The following GPC6 variants were observed in gnomAD, a reference collection of about 807,000 sequenced individuals.
GPC6 encodes the protein glypican 6.
Under a neutral mutation model 55.2 loss-of-function variants are expected in GPC6, and 14 were observed. That is an observed-to-expected ratio of 0.25 (90% confidence interval 0.17 to 0.40). The LOEUF (loss-of-function observed/expected upper bound fraction) is 0.40, where lower values mean the gene tolerates loss of function less well. Ranked by LOEUF, GPC6 falls within the 10% of genes least tolerant of loss-of-function variation. GPC6 has a pLI of 1.00. For synonymous variants in GPC6, 278 were observed against 259.6 expected (o/e 1.07, Z -0.68); for missense variants, 641 against 708.5 (o/e 0.90, Z 1.08).
intron 2 of GPC6, among the ~76,000 whole-genome samples, chr13:93,738,001 A>G (rs577911604): frequency 6.6e-6 from 1 of 152,286 alleles, no homozygotes; most frequent in African/African-American, 2.4e-5. Flanking sequence ...GACTAAAGAT[A>G]TCTACAACTT....
chr13:93,420,357 CTGATGGGACTACCG>C (rs567305995), intron 1 of GPC6, among the ~76,000 whole-genome samples: 10 of 152,092 alleles, frequency 6.6e-5, no homozygotes, highest in Non-Finnish European at 1.5e-4. Flanking sequence ...GAACTGAGTC[CTGATGGGACTACCG>C]TGGGAAGGAG....
intron 2 of GPC6, among the ~76,000 whole-genome samples, chr13:93,642,888 T>A (rs1566464795): frequency 6.6e-6 from 1 of 152,128 alleles, no homozygotes; most frequent in Non-Finnish European, 1.5e-5. Flanking sequence ...GAAGAAAGCA[T>A]GAAAGGTGAG....
intron 4 of GPC6, among the ~76,000 whole-genome samples, chr13:94,220,375 T>C (rs1890347643): frequency 6.6e-6 from 1 of 152,144 alleles, no homozygotes; most frequent in Non-Finnish European, 1.5e-5. Context: ...ATGATTGTGG[T>C]ACCAGATCTG....
At chr13:93,906,895 G>C (rs1876698931) in intron 3 of GPC6, among the ~76,000 whole-genome samples, 1 of 152,134 alleles carries the variant, frequency 6.6e-6, no homozygotes, top group African/African-American at 2.4e-5. Context: ...TTGTTAACTA[G>C]TAGATACATA....
At chr13:93,260,384 TAA>T (rs1877102032) in intron 1 of GPC6, among the ~76,000 whole-genome samples, 1 of 152,128 alleles carries the variant, frequency 6.6e-6, no homozygotes, top group South Asian at 2.1e-4. Flanking sequence ...CTGAGTTCTA[TAA>T]AGAGTATATA....
chr13:94,235,794 A>G (rs1022799339), intron 4 of GPC6, among the ~76,000 whole-genome samples: 1 of 152,162 alleles, frequency 6.6e-6, no homozygotes, highest in Admixed American at 6.5e-5. Context: ...GTGGCACACA[A>G]TCATATTAAA....
chr13:93,562,135 T>G (rs1156539302), intron 2 of GPC6, among the ~76,000 whole-genome samples: 4 of 152,000 alleles, frequency 2.6e-5, no homozygotes, highest in Non-Finnish European at 5.9e-5. Context: ...AAGCCATAGT[T>G]TGTGATGGAG....
At chr13:93,555,607 A>C (rs1334412472) in intron 2 of GPC6, among the ~76,000 whole-genome samples, 1 of 152,174 alleles carries the variant, frequency 6.6e-6, no homozygotes, top group Non-Finnish European at 1.5e-5. Context: ...ACTAATTTTA[A>C]ATTCCCCGGA....
At chr13:93,645,004 A>G (rs949649459) in intron 2 of GPC6, among the ~76,000 whole-genome samples, 4 of 152,068 alleles carry the variant, frequency 2.6e-5, no homozygotes, top group Non-Finnish European at 4.4e-5. Context: ...AGAGTGTACC[A>G]GGAAGGTTAC....
chr13:94,004,259 A>G lies in GPC6; in HGVS notation c.712-23470A>G, dbSNP rs142879511. Among the ~76,000 whole-genome samples, 18 of 152,112 alleles carry G rather than the reference A, an allele frequency of 1.2e-4. No homozygotes were observed. The East Asian group carries it at 3.5e-3, about 29-fold the overall frequency. ...AAAGCAAAAAGTAAGTTGTTTGCAC[A>G]TTTTTCTTTTATTTGCATCTTTGAC... On this transcript the variant is annotated intron_variant, in intron 3 of 8. Coordinates refer to ENST00000377047, the MANE Select transcript of GPC6 (RefSeq NM_005708.5).
At chr13:94,299,407 C>A (rs1875521302) in intron 5 of GPC6, among the ~76,000 whole-genome samples, 1 of 152,158 alleles carries the variant, frequency 6.6e-6, no homozygotes. Flanking sequence ...GTGTTTCTGA[C>A]CTTTTACAAT....
At chr13:93,475,635 C>T (rs1234759324) in intron 1 of GPC6, among the ~76,000 whole-genome samples, 2 of 152,278 alleles carry the variant, frequency 1.3e-5, no homozygotes, top group East Asian at 3.9e-4. Context: ...CTATTTCTTT[C>T]ACTATATGTT....
chr13:94,219,042 A>G (rs575414847), intron 4 of GPC6, among the ~76,000 whole-genome samples: 2 of 152,156 alleles, frequency 1.3e-5, no homozygotes, highest in South Asian at 2.1e-4. Flanking sequence ...ATTGATTCAC[A>G]TATGCTAACA....
At chr13:93,360,228 C>T (rs139898182) in intron 1 of GPC6, among the ~76,000 whole-genome samples, 28 of 152,234 alleles carry the variant, frequency 1.8e-4, no homozygotes, top group African/African-American at 6.5e-4. Context: ...CTTAGAGAAT[C>T]GGAATCGTCA....
intron 2 of GPC6, among the ~76,000 whole-genome samples, chr13:93,732,531 T>C (rs1231838441): frequency 2.6e-5 from 4 of 152,204 alleles, no homozygotes; most frequent in Non-Finnish European, 4.4e-5. Flanking sequence ...TCATTAGGTT[T>C]CCAGTGTTGG....
At chr13:93,942,099 A>C (rs1594606718) in intron 3 of GPC6, among the ~76,000 whole-genome samples, 1 of 152,202 alleles carries the variant, frequency 6.6e-6, no homozygotes, top group South Asian at 2.1e-4. Flanking sequence ...GAAAAATTTT[A>C]TCTAAACATG....
chr13:93,699,958 C>T (rs1488003573), intron 2 of GPC6, among the ~76,000 whole-genome samples: 1 of 151,828 alleles, frequency 6.6e-6, no homozygotes, highest in Admixed American at 6.6e-5. Context: ...CAAATGTGCT[C>T]TTGAGGGGGA....
rs1239293248 is a variant in GPC6 at position 93,671,589 on chromosome 13, T to C, written c.319+126168T>C. On this transcript the variant is annotated intron_variant, in intron 2 of 8. Transcript: ENST00000377047. ...CCAGGAAGCCTCTGTTTGTTTTCTC[T>C]GGGTTTTTAAGGGTTTTTTAGGGGT... 1.8e-4 allele frequency among the ~76,000 whole-genome samples: 27 copies of C among 149,464 alleles called. No individual in the cohort carries two copies. In the Admixed American group the frequency reaches 1.8e-3, roughly 10 times the overall value.
At chr13:93,692,130 A>G (rs184426853) in intron 2 of GPC6, among the ~76,000 whole-genome samples, 36 of 152,176 alleles carry the variant, frequency 2.4e-4, no homozygotes, top group African/African-American at 7.0e-4. Flanking sequence ...AGGTCAGTCT[A>G]TTATCAAAAT....
Sources: gnomAD v4.1 joint callset for allele counts (sites outside exome capture counted in the v4.1 genomes callset) on GRCh38, gnomAD v4.1.1 for gene constraint, MANE v1.5 for transcripts, NCBI Gene and HGNC (gene_info 2026-07-23, HGNC 2026-07-21) for gene names.